Variants in CREB3L2 observed in about 807,000 individuals in gnomAD.
CREB3L2 encodes the protein cAMP responsive element binding protein 3 like 2, also known as cyclic AMP-responsive element-binding protein 3-like protein 2.
CREB3L2 carries 23 observed loss-of-function variants against 57.2 expected under a neutral mutation model. That is an observed-to-expected ratio of 0.40 (90% CI 0.29 to 0.57). CREB3L2 has a LOEUF of 0.57. CREB3L2 is among the 20% of genes least tolerant of loss of function. The pLI, the probability that CREB3L2 is intolerant of heterozygous loss-of-function variation, is 0.42. For synonymous variants in CREB3L2, 268 were observed against 265.1 expected (o/e 1.01, Z -0.11); for missense variants, 628 against 634.7 (o/e 0.99, Z 0.11).
intron 6 of CREB3L2, among the ~76,000 whole-genome samples, chr7:137,905,386 C>A (rs1799862897): frequency 1.1e-5 from 1 of 92,658 alleles, no homozygotes; most frequent in Admixed American, 1.3e-4. Context: ...ATTTAAAAGG[C>A]TGAGTTAAAA....
In CREB3L2 at chr7:137,876,251, C is replaced by T. The variant is rs918891253; in HGVS notation, c.*4225G>A. On this transcript the variant is annotated 3_prime_UTR_variant, in exon 12 of 12. Coordinates refer to ENST00000330387, the MANE Select transcript of CREB3L2 (RefSeq NM_194071.4). ...GAATATATACAAAATCTCCCAGTGA[C>T]GAGGGATTCCTCAGTCATCCTGGAT... 8 of 226,014 alleles carry T rather than the reference C, an allele frequency of 3.5e-5. No individual in the cohort carries two copies. The East Asian group carries it at 3.7e-4, about 10-fold the overall frequency. 14.0% of individuals were successfully genotyped at this position (226,014 alleles called of 1,614,324 possible). A position where few individuals can be genotyped will look rare whatever the true frequency, so the allele number is the denominator to read the frequency against.
rs1799132225 is a variant in CREB3L2 at position 137,875,623 on chromosome 7, GCTGTAATTC to G, written c.*4844_*4852del. 4.4e-6 allele frequency: 1 copy of G among 224,872 alleles called. No individual in the cohort carries two copies. Among genetic ancestry groups the G allele is most frequent in the African/African-American group, 2.2e-5 (1 of 44,938 alleles). The allele number at this position is 224,872 out of a possible 1,614,324, so 13.9% of individuals were successfully genotyped here. A position where few individuals can be genotyped will look rare whatever the true frequency, so the allele number is the denominator to read the frequency against. ...AGCAGGGCCATTGCAGGGGACAGGTGCTGTAATTCCTGCCCAGAGAACTTGAAAGCTTAC... is the reference window on the plus strand; with the variant it reads ...AGCAGGGCCATTGCAGGGGACAGGTGCTGCCCAGAGAACTTGAAAGCTTAC... On this transcript the variant is annotated 3_prime_UTR_variant, in exon 12 of 12. Coordinates refer to ENST00000330387, the MANE Select transcript of CREB3L2 (RefSeq NM_194071.4).
Position 137,955,228 on chromosome 7 carries a change from A to G in CREB3L2, c.103-26862T>C, listed in dbSNP as rs1252762426. ...GCCCATTTCCATCTTCAATGAGTAC[A>G]GTAAGAATCCATCCAACAGGTATAG... On this transcript the variant is annotated intron_variant, in intron 1 of 11. Transcript: ENST00000330387. 4.8e-6 allele frequency: 6 copies of G among 1,242,592 alleles called. No individual in the cohort carries two copies. The East Asian group carries it at 2.2e-4, about 47-fold the overall frequency. The allele number at this position is 1,242,592 out of a possible 1,614,324, so 77.0% of individuals were successfully genotyped here.
chr7:137,908,242 GCATACTTA>G lies in CREB3L2; in HGVS notation c.768+2_768+9del. The G allele has an allele frequency of 8.0e-7, 1 of 1,255,772 alleles. No individual in the cohort carries two copies. The highest frequency in any genetic ancestry group is 4.2e-5 in the Admixed American group (1 of 23,850). The allele number at this position is 1,255,772 out of a possible 1,614,324, so 77.8% of individuals were successfully genotyped here. A position where few individuals can be genotyped will look rare whatever the true frequency, so the allele number is the denominator to read the frequency against. On this transcript the variant is annotated splice_donor_variant and splice_donor_5th_base_variant and intron_variant, in intron 5 of 11. Transcript: ENST00000330387. LOFTEE classifies it high-confidence loss of function. ...TCCCTTTGGTCCAGGAATGCCCGCT[GCATACTTA>G]CATGAGGAGCCGTGAGGAGAGGGGA...
At chr7:137,895,598 C>T (rs1585599999) in intron 8 of CREB3L2, among the ~76,000 whole-genome samples, 2 of 117,392 alleles carry the variant, frequency 1.7e-5, no homozygotes, top group East Asian at 5.5e-4. Context: ...ATCTTTTCAT[C>T]TAGAAATCAA....
At chr7:137,976,101 C>T (rs965652304) in intron 1 of CREB3L2, among the ~76,000 whole-genome samples, 2 of 152,224 alleles carry the variant, frequency 1.3e-5, no homozygotes, top group African/African-American at 2.4e-5. Context: ...AATAATGTGG[C>T]CCAATGGCCC....
At chr7:137,942,080 C>T (rs1006605996) in intron 1 of CREB3L2, among the ~76,000 whole-genome samples, 1 of 152,188 alleles carries the variant, frequency 6.6e-6, no homozygotes, top group African/African-American at 2.4e-5. Context: ...CAAACCATCT[C>T]TCTCATTCCC....
intron 1 of CREB3L2, among the ~76,000 whole-genome samples, chr7:137,998,589 G>A (rs1343317664): frequency 2.0e-5 from 3 of 152,210 alleles, no homozygotes; most frequent in African/African-American, 7.2e-5. Context: ...CTAAATAGCT[G>A]TGGGAACTGA....
At position 137,880,144 on chromosome 7, in the gene CREB3L2, A is replaced by G. The variant is rs995000690; in HGVS notation, c.*332T>C. On this transcript the variant is annotated 3_prime_UTR_variant, in exon 12 of 12. Coordinates refer to ENST00000330387, the MANE Select transcript of CREB3L2 (RefSeq NM_194071.4). This position sits in a 1 kb window ranked among gnomAD's most constrained non-coding sequence, Gnocchi z 4.0. ...TCTCGTCTCCAAAGCGGGGGGTTAC[A>G]CCTCACAGGTGCACATTAGGCAATA... The G allele has an allele frequency of 2.7e-6, 1 of 372,388 alleles. No homozygotes were observed. Among genetic ancestry groups the G allele is most frequent in the Admixed American group, 4.2e-5 (1 of 23,888 alleles). The allele number at this position is 372,388 out of a possible 1,614,324, so 23.1% of individuals were successfully genotyped here.
intron 8 of CREB3L2, 150 bp from the exon 9 acceptor site, chr7:137,885,652 C>T: frequency 3.0e-6 from 2 of 668,404 alleles, no homozygotes; most frequent in Non-Finnish European, 5.3e-6. Context: ...AAGATACGAA[C>T]ACCAGTACCT....
chr7:137,901,108 T>C (rs1458788092), intron 8 of CREB3L2, among the ~76,000 whole-genome samples: 1 of 152,198 alleles, frequency 6.6e-6, no homozygotes, highest in Admixed American at 6.5e-5. Context: ...ATATGTGTAT[T>C]GTGGATGTGA....
At chr7:137,987,273 T>TAG (rs1801808415) in intron 1 of CREB3L2, among the ~76,000 whole-genome samples, 1 of 152,212 alleles carries the variant, frequency 6.6e-6, no homozygotes, top group Non-Finnish European at 1.5e-5. Flanking sequence ...TAACATCTAC[T>TAG]GCCTAAGTCA....
In CREB3L2 at chr7:138,001,691, C is replaced by T. The variant is rs749480772; in HGVS notation, c.15G>A (p.Glu5=). 6.2e-7 allele frequency: 1 copy of T among 1,611,164 alleles called. No homozygotes were observed. Among genetic ancestry groups the T allele is most frequent in the Non-Finnish European group, 8.5e-7 (1 of 1,179,590 alleles). MEVL[E]SGEQGVLQWD... ...ACTGCAGCACGCCCTGCTCCCCGCTCTCCAGCACCTCCATGGCGGTGCGGG... is the reference window on the plus strand; with the variant it reads ...ACTGCAGCACGCCCTGCTCCCCGCTTTCCAGCACCTCCATGGCGGTGCGGG... Residue 5 remains glutamate (E), a synonymous_variant, in exon 1 of 12, where the codon GAG becomes GAA. Transcript: ENST00000330387. This position sits in a 1 kb window ranked among gnomAD's most constrained non-coding sequence, Gnocchi z 4.2.
chr7:137,908,384 A>G lies in CREB3L2; in HGVS notation c.636T>C (p.Ser212=), dbSNP rs973766422. ...LPPTPPSSHG[S]DSEGSLSPNP... ...TGGGACTCAGGCTGCCCTCTGAGTCACTGCCGTGACTGCTCGGAGGGGTGG... is the reference window on the plus strand; with the variant it reads ...TGGGACTCAGGCTGCCCTCTGAGTCGCTGCCGTGACTGCTCGGAGGGGTGG... The change falls in exon 5 of 12, where the codon AGT becomes AGC. Residue 212 remains serine, a synonymous_variant. Coordinates refer to ENST00000330387, the MANE Select transcript of CREB3L2 (RefSeq NM_194071.4). The G allele has an allele frequency of 3.2e-6, 4 of 1,260,838 alleles. No homozygotes were observed. The highest frequency in any genetic ancestry group is 1.0e-6 in the Non-Finnish European group (1 of 994,548). The allele number at this position is 1,260,838 out of a possible 1,614,324, so 78.1% of individuals were successfully genotyped here.
intron 1 of CREB3L2, among the ~76,000 whole-genome samples, chr7:137,932,628 C>T (rs990045857): frequency 1.3e-5 from 2 of 152,116 alleles, no homozygotes; most frequent in Non-Finnish European, 2.9e-5. Context: ...TCCTTCTATG[C>T]TCACCTCAGT....
chr7:137,925,198 A>G (rs1254194659), intron 2 of CREB3L2, among the ~76,000 whole-genome samples: 1 of 152,088 alleles, frequency 6.6e-6, no homozygotes, highest in Non-Finnish European at 1.5e-5. Flanking sequence ...AGAAGGAGAG[A>G]GGGGAAGCAG....
At chr7:137,931,692 G>A (rs2117246247) in intron 1 of CREB3L2, among the ~76,000 whole-genome samples, 1 of 151,336 alleles carries the variant, frequency 6.6e-6, no homozygotes, top group Non-Finnish European at 1.5e-5. Flanking sequence ...CTTAGCTGGG[G>A]GTGGTGGTGC....
At chr7:137,953,259 G>A (rs1381901365) in intron 1 of CREB3L2, 1 of 360,706 alleles carries the variant, frequency 2.8e-6, no homozygotes, top group East Asian at 7.3e-5. Context: ...TGTAGTTTAT[G>A]TTAAGTGGGA....
At position 138,001,561 on chromosome 7, in the gene CREB3L2, G is replaced by A. The variant is rs570741429; in HGVS notation, c.102+43C>T. On this transcript the variant is annotated intron_variant, in intron 1 of 11. Coordinates refer to ENST00000330387, the MANE Select transcript of CREB3L2 (RefSeq NM_194071.4). This position sits in a 1 kb window ranked among gnomAD's most constrained non-coding sequence, Gnocchi z 4.2. ...AGCTGCTCCTCGCGTGACAACACTT[G>A]CCCGCTTTGAAAGCCCTCCTGCCCC... 4 of 1,469,050 alleles carry A rather than the reference G, an allele frequency of 2.7e-6. No individual in the cohort carries two copies. Among genetic ancestry groups the A allele is most frequent in the African/African-American group, 1.4e-5 (1 of 72,010 alleles). The allele number at this position is 1,469,050 out of a possible 1,614,324, so 91.0% of individuals were successfully genotyped here. A position where few individuals can be genotyped will look rare whatever the true frequency, so the allele number is the denominator to read the frequency against.
Sources: allele counts gnomAD v4.1 joint callset (sites outside exome capture counted in the v4.1 genomes callset), GRCh38; gene constraint gnomAD v4.1.1; non-coding constraint Gnocchi (gnomAD v3.1); transcripts MANE v1.5; gene names NCBI Gene and HGNC (gene_info 2026-07-23, HGNC 2026-07-21).